TTN: variants seen among roughly 807,000 people sequenced by gnomAD.
The protein encoded by TTN is titin.
TTN carries 1,525 observed loss-of-function variants against 3,223.0 expected under a neutral mutation model. The ratio of observed to expected loss-of-function variants is 0.47; its 90% confidence interval spans 0.45 to 0.49. TTN has a LOEUF of 0.49. Ranked by LOEUF, TTN falls within the 20% of genes least tolerant of loss-of-function variation. TTN has a pLI of 0.00. For synonymous variants in TTN, 14,094 were observed against 15,161.0 expected (o/e 0.93, Z 5.17); for missense variants, 40,786 against 43,424.0 (o/e 0.94, Z 5.40).
In TTN at chr2:178,585,236, C is replaced by T. The variant is rs768027450; in HGVS notation, c.64508G>A (p.Gly21503Glu). 1 of 1,613,324 alleles carries T rather than the reference C, an allele frequency of 6.2e-7. No homozygotes were observed. Among genetic ancestry groups the T allele is most frequent in the Non-Finnish European group, 8.5e-7 (1 of 1,179,452 alleles). ...KPHPTCKWKK[G>E]EDEVVTSSHL... ...GCTGGATGTGACAACTTCATCTTCTCCTTTTTTCCATTTACAGGTGGGATG... is the reference window on the plus strand; with the variant it reads ...GCTGGATGTGACAACTTCATCTTCTTCTTTTTTCCATTTACAGGTGGGATG... Residue 21503 changes from glycine to glutamate, a missense_variant, in exon 309 of 363, where the codon GGA becomes GAA. Transcript: ENST00000589042.
intron 127 of TTN, among the ~76,000 whole-genome samples, chr2:178,686,113 ATTTTTTTTTTTTTT>A (rs765570520): frequency 1.3e-5 from 1 of 77,812 alleles, no homozygotes; most frequent in African/African-American, 6.6e-5. Context: ...TACAGTTTTA[ATTTTTTTTTTTTTT>A]TTTTTTTTTT....
In TTN at chr2:178,651,553, T is replaced by C. The variant is rs1259394761; in HGVS notation, c.39464-17A>G. The C allele has an allele frequency of 2.5e-6, 4 of 1,612,422 alleles. No homozygotes were observed. Among genetic ancestry groups the C allele is most frequent in the Middle Eastern group, 1.7e-4 (1 of 6,044 alleles). On this transcript the variant is annotated splice_polypyrimidine_tract_variant and intron_variant, in intron 206 of 362. Transcript: ENST00000589042. ...CCTCGGGCACTATAAAAGATATTAG[T>C]AGTTGTTTAAGCTCATGGTTTCAAT...
At chr2:178,693,498 G>A (rs1416366750) in intron 119 of TTN, 111 bp downstream of exon 119, 1 of 753,478 alleles carries the variant, frequency 1.3e-6, no homozygotes, top group South Asian at 2.5e-5. Context: ...GTGGCTATAG[G>A]TATGCACACT....
chr2:178,733,814 C>T lies in TTN; in HGVS notation c.15575G>A (p.Arg5192Lys). ...GQTVTLQAAVRGSEPISVTWM... is the reference protein window; with the variant it reads ...GQTVTLQAAVKGSEPISVTWM... Reference sequence around the variant, plus strand: ...TGTGACAGAAATGGGCTCTGACCCTCTCACAGCAGCTTGCAGGGTAACGGT... The same window carrying T: ...TGTGACAGAAATGGGCTCTGACCCTTTCACAGCAGCTTGCAGGGTAACGGT... Residue 5192 changes from arginine (R) to lysine (K), a missense_variant, in exon 53 of 363, where the codon AGA becomes AAA. Physicochemically the swap from Arg to Lys is conservative, Grantham distance 26 (BLOSUM62 2). Transcript: ENST00000589042. 1.2e-6 allele frequency: 2 copies of T among 1,613,794 alleles called. No homozygotes were observed. Among genetic ancestry groups the T allele is most frequent in the Non-Finnish European group, 1.7e-6 (2 of 1,179,728 alleles).
intron 213 of TTN, among the ~76,000 whole-genome samples, chr2:178,648,925 T>A (rs1440026322): frequency 6.6e-6 from 1 of 152,296 alleles, no homozygotes; most frequent in East Asian, 1.9e-4. Context: ...GAAGACAGAA[T>A]CAGGCCTTAA....
At chr2:178,554,389 C>T in intron 332 of TTN, 64 bp downstream of exon 332, 1 of 1,532,190 alleles carries the variant, frequency 6.5e-7, no homozygotes, top group Non-Finnish European at 8.9e-7. Context: ...AGCATATGCA[C>T]AGGTTAGCGT....
Position 178,767,871 on chromosome 2 carries a change from C to A in TTN, c.9359G>T (p.Arg3120Leu). Residue 3120 changes from arginine (R) to leucine (L), a missense_variant, in exon 40 of 363, where the codon CGG becomes CTG. Physicochemically the swap from Arg to Leu is moderately radical, Grantham distance 102. Transcript: ENST00000589042. ...TGTGTACTTCCCAGCATCAGACATC[C>A]GGGTGGATGGGATCAGAAGGCGGTG... ...YVHRLLIPST[R>L]MSDAGKYTVV... 1 of 1,614,074 alleles carries A rather than the reference C, an allele frequency of 6.2e-7. No homozygotes were observed. Among genetic ancestry groups the A allele is most frequent in the East Asian group, 2.2e-5 (1 of 44,852 alleles).
chr2:178,540,747 G>A (rs1159201981), intron 350 of TTN, among the ~76,000 whole-genome samples: 1 of 152,166 alleles, frequency 6.6e-6, no homozygotes, highest in Non-Finnish European at 1.5e-5. Flanking sequence ...AGTGAGCCAA[G>A]ATCATGCCAC....
At position 178,713,231 on chromosome 2, in the gene TTN, C is replaced by T; in HGVS notation, c.26903G>A (p.Ser8968Asn). 1 of 1,613,380 alleles carries T rather than the reference C, an allele frequency of 6.2e-7. No individual in the cohort carries two copies. The highest frequency in any genetic ancestry group is 8.5e-7 in the Non-Finnish European group (1 of 1,179,618). The change falls in exon 93 of 363, where the codon AGT becomes AAT. Residue 8968 changes from serine to asparagine, a missense_variant. Ser to Asn is a conservative substitution (Grantham distance 46). Transcript: ENST00000589042. ...CAGGGTGGTCTGGTATTTCCTTCCA[C>T]TACTGATCTCATTTCCTTCATGGAA... ...SWFHEGNEIS[S>N]GRKYQTTLTD...
In TTN at chr2:178,551,633, C is replaced by G; in HGVS notation, c.91267G>C (p.Val30423Leu). 1 of 1,573,276 alleles carries G rather than the reference C, an allele frequency of 6.4e-7. No individual in the cohort carries two copies. Among genetic ancestry groups the G allele is most frequent in the Non-Finnish European group, 8.6e-7 (1 of 1,160,328 alleles). ...PSKFTLAVSP[V>L]DPPGTPDYID... ...TATTTGAATAATAATCACTTACCTA[C>G]TGGAGAAACAGCTAAGGTAAATTTG... Residue 30423 changes from valine to leucine, a missense_variant, in exon 335 of 363, where the codon GTA becomes CTA. Transcript: ENST00000589042.
At chr2:178,802,491 T>C in intron 2 of TTN, 150 bp from the exon 3 acceptor site, 1 of 895,488 alleles carries the variant, frequency 1.1e-6, no homozygotes. Flanking sequence ...TACAGTTGCA[T>C]GATCAGTGTG....
intron 119 of TTN, 48 bp from the exon 120 acceptor site, chr2:178,692,628 C>A: frequency 7.3e-7 from 1 of 1,375,838 alleles, no homozygotes; most frequent in South Asian, 1.5e-5. Flanking sequence ...TTTGACAAGG[C>A]ATATGTTGTT....
chr2:178,749,968 T>C, intron 47 of TTN: 1 of 1,613,234 alleles, frequency 6.2e-7, no homozygotes, highest in Non-Finnish European at 8.5e-7. Context: ...CAAATCTGTG[T>C]TTTGGTGATT....
chr2:178,775,010 A>T lies in TTN; in HGVS notation c.6701T>A (p.Leu2234Gln). The change falls in exon 29 of 363, where the codon CTG becomes CAG. Residue 2234 changes from leucine to glutamine, a missense_variant. Physicochemically the swap from Leu to Gln is moderately radical, Grantham distance 113. Coordinates refer to ENST00000589042, the MANE Select transcript of TTN (RefSeq NM_001267550.2). The part of the protein sequence containing the change: ...SDRKVHFLSI[L>Q]TIDTSDAEDY... ...TTCAGCATCAGACGTATCAATGGTC[A>T]GTATGGAGAGGAAGTGAACCTTTCT... 6.2e-7 allele frequency: 1 copy of T among 1,614,060 alleles called. No homozygotes were observed. The highest frequency in any genetic ancestry group is 1.1e-5 in the South Asian group (1 of 91,082).
In TTN at chr2:178,793,543, T is replaced by G; in HGVS notation, c.1399-2A>C. The G allele has an allele frequency of 6.2e-7, 1 of 1,613,684 alleles. No homozygotes were observed. Among genetic ancestry groups the G allele is most frequent in the Non-Finnish European group, 8.5e-7 (1 of 1,180,004 alleles). On this transcript the variant is annotated splice_acceptor_variant, in intron 8 of 362. Coordinates refer to ENST00000589042, the MANE Select transcript of TTN (RefSeq NM_001267550.2). LOFTEE classifies it high-confidence loss of function. ...AGTCTTCTCCGCTTCCTTTCTTACCTGCTTTTCATAGAGAAAGGAAGAAAA... is the reference window on the plus strand; with the variant it reads ...AGTCTTCTCCGCTTCCTTTCTTACCGGCTTTTCATAGAGAAAGGAAGAAAA...
At chr2:178,751,679 T>C in intron 47 of TTN, 10 of 1,613,354 alleles carry the variant, frequency 6.2e-6, no homozygotes, top group South Asian at 1.1e-5. Flanking sequence ...ACTTCCAGAA[T>C]CTCTGTCTTG....
In TTN at chr2:178,720,503, T is replaced by G; in HGVS notation, c.23259A>C (p.Lys7753Asn). 6.2e-7 allele frequency: 1 copy of G among 1,613,698 alleles called. No homozygotes were observed. The highest frequency in any genetic ancestry group is 8.5e-7 in the Non-Finnish European group (1 of 1,179,680). The change falls in exon 80 of 363, where the codon AAA (lysine) becomes AAC (asparagine). Residue 7753 changes from lysine to asparagine, a missense_variant. Transcript: ENST00000589042. ...GGATATGAAGACTTGTATCAAAATG[T>G]TTTGAAGTGATTTTAAATTTCTTGC... is the stretch of plus-strand genomic sequence containing the variant. Reference protein sequence around the residue: ...RNSKKFKITSKHFDTSLHILN... With the variant: ...RNSKKFKITSNHFDTSLHILN...
At chr2:178,671,289 A>G in intron 155 of TTN, 119 bp from the exon 156 acceptor site, 2 of 634,464 alleles carry the variant, frequency 3.2e-6, no homozygotes, top group Non-Finnish European at 2.5e-6. Context: ...TTTAATTTAT[A>G]ACACACTTAT....
chr2:178,633,098 C>A, intron 233 of TTN, 54 bp from the exon 234 acceptor site: 1 of 1,600,686 alleles, frequency 6.2e-7, no homozygotes, highest in Non-Finnish European at 8.5e-7. Flanking sequence ...TATAGTTATT[C>A]CTACAAATCA....
Sources: allele counts gnomAD v4.1 joint callset (sites outside exome capture counted in the v4.1 genomes callset), GRCh38; gene constraint gnomAD v4.1.1; transcripts MANE v1.5; gene names NCBI Gene and HGNC (gene_info 2026-07-23, HGNC 2026-07-21).